Variants in GRIK2 observed in about 807,000 individuals in gnomAD.
GRIK2 encodes the protein glutamate ionotropic receptor kainate type subunit 2.
In GRIK2, 32 loss-of-function variants were observed where a neutral mutation model predicts 100.3. The ratio of observed to expected loss-of-function variants is 0.32; its 90% CI spans 0.24 to 0.43. The LOEUF (loss-of-function observed/expected upper bound fraction) is 0.43. Ranked by LOEUF, GRIK2 falls within the 20% of genes least tolerant of loss-of-function variation. GRIK2 has a pLI of 1.00. For missense variants in GRIK2, 843 were observed against 1,114.9 expected, an observed-to-expected ratio of 0.76 and a Z score of 3.47; for synonymous variants, 417 against 389.4, an observed-to-expected ratio of 1.07 and a Z score of -0.83.
At chr6:102,027,728 C>A (rs1490466518) in intron 14 of GRIK2, among the ~76,000 whole-genome samples, 1 of 149,314 alleles carries the variant, frequency 6.7e-6, no homozygotes. Context: ...TTTAGACAGT[C>A]AGGTTCATAA....
At chr6:101,537,619 GAA>G (rs1775779394) in intron 2 of GRIK2, among the ~76,000 whole-genome samples, 1 of 151,736 alleles carries the variant, frequency 6.6e-6, no homozygotes, top group Admixed American at 6.6e-5. Flanking sequence ...TTGGCAAGAT[GAA>G]ATGATGTGAG....
chr6:101,824,462 C>T (rs1429443082), intron 10 of GRIK2, among the ~76,000 whole-genome samples: 1 of 152,120 alleles, frequency 6.6e-6, no homozygotes, highest in Non-Finnish European at 1.5e-5. Flanking sequence ...GAAATGCCTA[C>T]TTTTTCCTCT....
chr6:101,862,502 C>A (rs1259339783), intron 11 of GRIK2, among the ~76,000 whole-genome samples: 2 of 152,080 alleles, frequency 1.3e-5, no homozygotes, highest in Non-Finnish European at 2.9e-5. Flanking sequence ...AATCATAGTT[C>A]ATTGCAGCCT....
At chr6:101,730,614 A>G (rs1283254745) in intron 7 of GRIK2, among the ~76,000 whole-genome samples, 1 of 151,780 alleles carries the variant, frequency 6.6e-6, no homozygotes, top group African/African-American at 2.4e-5. Context: ...GATATGTGCC[A>G]TTGTTTTATG....
chr6:102,015,761 A>G (rs1795802566), intron 14 of GRIK2, among the ~76,000 whole-genome samples: 1 of 152,188 alleles, frequency 6.6e-6, no homozygotes, highest in African/African-American at 2.4e-5. Flanking sequence ...TGTTGTGACC[A>G]GTGGTCCAGG....
intron 2 of GRIK2, among the ~76,000 whole-genome samples, chr6:101,414,940 TTGTGTGTGTG>T (rs3057496): frequency 6.7e-6 from 1 of 149,906 alleles, no homozygotes; most frequent in East Asian, 2.0e-4. Context: ...AGTTTTAAAC[TTGTGTGTGTG>T]TGTGTGTGTG....
At chr6:101,607,156 T>C (rs570956888) in intron 2 of GRIK2, among the ~76,000 whole-genome samples, 1 of 152,068 alleles carries the variant, frequency 6.6e-6, no homozygotes, top group African/African-American at 2.4e-5. Context: ...TTGGGAGAAA[T>C]CCATTCTTGA....
At chr6:101,901,035 G>T (rs1787814907) in intron 12 of GRIK2, among the ~76,000 whole-genome samples, 2 of 151,794 alleles carry the variant, frequency 1.3e-5, no homozygotes, top group Non-Finnish European at 2.9e-5. Context: ...AAAATCCTTA[G>T]CAAGTTTTTA....
chr6:101,395,558 A>G (rs1323182873), intron 1 of GRIK2, among the ~76,000 whole-genome samples: 1 of 152,216 alleles, frequency 6.6e-6, no homozygotes, highest in African/African-American at 2.4e-5. Flanking sequence ...GCTAACTAGA[A>G]TAAGATTCAT....
chr6:101,719,500 G>GT (rs1315416702), intron 7 of GRIK2, among the ~76,000 whole-genome samples: 1 of 151,940 alleles, frequency 6.6e-6, no homozygotes, highest in Non-Finnish European at 1.5e-5. Flanking sequence ...AATTAACTAA[G>GT]TATCTGTGAA....
intron 12 of GRIK2, among the ~76,000 whole-genome samples, chr6:101,909,803 GA>G (rs1788544284): frequency 6.6e-6 from 1 of 150,976 alleles, no homozygotes; most frequent in Non-Finnish European, 1.5e-5. Flanking sequence ...GATATATATA[GA>G]TTAATTCTCA....
chr6:101,621,979 C>T lies in GRIK2; in HGVS notation c.146C>T (p.Pro49Leu), dbSNP rs1582841709. The T allele has an allele frequency of 2.5e-6, 4 of 1,610,124 alleles. No homozygotes were observed. The South Asian group carries it at 3.3e-5, about 13-fold the overall frequency. The change falls in exon 3 of 17, where the codon CCA becomes CTA. Residue 49 changes from proline to leucine, a missense_variant. Physicochemically the swap from Pro to Leu is moderately conservative, Grantham distance 98. This residue lies in a region of GRIK2 where 519 missense variants were observed against 643.8 expected (regional missense o/e 0.81). Coordinates refer to ENST00000369134, the MANE Select transcript of GRIK2 (RefSeq NM_021956.5). ...ATTTTTGAATATGTGGAATCTGGCC[C>T]AATGGGAGCTGAGGAACTTGCATTC... ...GGIFEYVESG[P>L]MGAEELAFRF...
chr6:101,717,141 C>G (rs982491262), intron 7 of GRIK2, among the ~76,000 whole-genome samples: 1 of 151,622 alleles, frequency 6.6e-6, no homozygotes, highest in African/African-American at 2.4e-5. Context: ...TGGATTTGTT[C>G]TGGGGGTGTT....
chr6:101,509,031 A>C, intron 2 of GRIK2, among the ~76,000 whole-genome samples: 1 of 151,818 alleles, frequency 6.6e-6, no homozygotes, highest in Middle Eastern at 3.4e-3. Flanking sequence ...GGGGGCGGGC[A>C]CCTGTAGTCA....
rs66705609 is a variant in GRIK2, at chr6:101,451,695, A to AGGG, written c.115+52313_115+52315dup. On this transcript the variant is annotated intron_variant, in intron 2 of 16. Transcript: ENST00000369134. The stretch of plus-strand genomic sequence containing the variant: ...TCTGAGAGCCCATTATTTATCTCTG[A>AGGG]GGGGGGGGGGGGTGCCAAATACCTC... Among the ~76,000 whole-genome samples, 46 of 125,436 alleles carry AGGG rather than the reference A, an allele frequency of 3.7e-4. No homozygotes were observed. In the East Asian group the frequency reaches 3.9e-3, roughly 11 times the overall value. 82.3% of individuals were successfully genotyped at this position (125,436 alleles called of 152,430 possible).
At chr6:101,478,212 C>T (rs1466326517) in intron 2 of GRIK2, among the ~76,000 whole-genome samples, 1 of 151,642 alleles carries the variant, frequency 6.6e-6, no homozygotes, top group East Asian at 1.9e-4. Flanking sequence ...TTTTTGAGTC[C>T]TTGAAAATTA....
chr6:101,926,943 A>G (rs961213748), intron 13 of GRIK2, among the ~76,000 whole-genome samples: 4 of 152,230 alleles, frequency 2.6e-5, no homozygotes, highest in Non-Finnish European at 4.4e-5. Flanking sequence ...TAAACAAAAC[A>G]AAACAAAACA....
chr6:101,551,506 AT>A (rs1218050298), intron 2 of GRIK2, among the ~76,000 whole-genome samples: 4 of 152,148 alleles, frequency 2.6e-5, no homozygotes, highest in African/African-American at 9.7e-5. Flanking sequence ...AAAAGCCTAA[AT>A]ATTTTTCTAG....
intron 2 of GRIK2, among the ~76,000 whole-genome samples, chr6:101,412,301 T>C (rs940596797): frequency 1.3e-5 from 2 of 152,098 alleles, no homozygotes; most frequent in Non-Finnish European, 2.9e-5. Flanking sequence ...GGTTTTTATC[T>C]GTCTAAATTA....
Sources: allele counts gnomAD v4.1 joint callset (sites outside exome capture counted in the v4.1 genomes callset), GRCh38; gene constraint gnomAD v4.1.1; regional missense constraint gnomAD v4.1.1; transcripts MANE v1.5; gene names NCBI Gene and HGNC (gene_info 2026-07-23, HGNC 2026-07-21).